The following RSPH14 variants were observed in gnomAD, a reference collection of about 807,000 sequenced individuals.
RSPH14 encodes the protein radial spoke head 14 homolog, also known as rhabdoid tumor deletion region gene 1.
Under a neutral mutation model 26.7 loss-of-function variants are expected in RSPH14, and 20 were observed. That is an observed-to-expected ratio of 0.75 (90% CI 0.53 to 1.09). RSPH14 has a LOEUF of 1.09. Among genes scored for constraint, RSPH14 ranks in the 50% least tolerant of loss-of-function variants. The pLI is 0.00. For missense variants in RSPH14, 449 were observed against 457.2 expected, an observed-to-expected ratio of 0.98 and a Z score of 0.16; for synonymous variants, 177 against 189.3, an observed-to-expected ratio of 0.93 and a Z score of 0.53.
intron 4 of RSPH14, among the ~76,000 whole-genome samples, chr22:23,098,917 T>C (rs1163372674): frequency 2.0e-5 from 3 of 152,228 alleles, no homozygotes; most frequent in Non-Finnish European, 4.4e-5. Context: ...CACTCTGCTC[T>C]CTCCTTTTGG....
chr22:23,121,215 G>C (rs1371048032), intron 4 of RSPH14, among the ~76,000 whole-genome samples: 1 of 152,162 alleles, frequency 6.6e-6, no homozygotes, highest in African/African-American at 2.4e-5. Flanking sequence ...TCACTCCTCA[G>C]GACTCCTGTT....
chr22:23,138,914 C>T lies in RSPH14; in HGVS notation c.228G>A (p.Leu76=). 6.5e-7 allele frequency: 1 copy of T among 1,546,436 alleles called. No individual in the cohort carries two copies. Among genetic ancestry groups the T allele is most frequent in the Non-Finnish European group, 8.7e-7 (1 of 1,144,900 alleles). The stretch of plus-strand genomic sequence containing the variant: ...TGCGCACCATACTGTTGCTATCCTT[C>T]AGCAAAGCTTTCAGGTTCTCCATAC... ...IGCMENLKAL[L]KDSNSMVRIK... is the part of the protein sequence containing the mutation. Residue 76 remains leucine, a synonymous_variant, in exon 3 of 7, where the codon CTG becomes CTA. Transcript: ENST00000216036.
chr22:23,081,801 AAC>A (rs2068684412), intron 4 of RSPH14, among the ~76,000 whole-genome samples: 1 of 123,562 alleles, frequency 8.1e-6, no homozygotes, highest in Non-Finnish European at 1.7e-5. Flanking sequence ...CAGCCTGGGC[AAC>A]AGAGTGAGAT....
chr22:23,143,804 A>G (rs1321356107), upstream of RSPH14, among the ~76,000 whole-genome samples: 3 of 152,208 alleles, frequency 2.0e-5, no homozygotes, highest in Non-Finnish European at 4.4e-5. Context: ...CTAAAGGAGG[A>G]TTGGGGCCAG....
the RSPH14 span, among the ~76,000 whole-genome samples, chr22:23,161,200 G>T: frequency 6.6e-5 from 10 of 152,250 alleles, no homozygotes; most frequent in East Asian, 1.9e-3. Flanking sequence ...ACCCTCCCTA[G>T]CCCTCCCTGT....
At chr22:23,178,901 C>T in the RSPH14 span, among the ~76,000 whole-genome samples, 3 of 152,132 alleles carry the variant, frequency 2.0e-5, no homozygotes, top group Admixed American at 6.6e-5. Context: ...TCTAGGGAAG[C>T]CTGGAAATCT....
chr22:23,157,825 AG>A, the RSPH14 span, among the ~76,000 whole-genome samples: 1 of 152,228 alleles, frequency 6.6e-6, no homozygotes, highest in African/African-American at 2.4e-5. Flanking sequence ...GGTGGGGGAC[AG>A]CCATGGGGTG....
intron 4 of RSPH14, among the ~76,000 whole-genome samples, chr22:23,072,762 TG>T (rs2146243837): frequency 6.6e-6 from 1 of 152,322 alleles, no homozygotes; most frequent in South Asian, 2.1e-4. Flanking sequence ...ACACAGGGAA[TG>T]GATTCTTCCC....
At chr22:23,064,622 A>G (rs2146214409) in intron 4 of RSPH14, among the ~76,000 whole-genome samples, 1 of 152,246 alleles carries the variant, frequency 6.6e-6, no homozygotes. Flanking sequence ...CCTGGAGAAG[A>G]GCTTGGTTTT....
chr22:23,107,810 G>A (rs551918625), intron 4 of RSPH14, among the ~76,000 whole-genome samples: 6 of 152,260 alleles, frequency 3.9e-5, no homozygotes, highest in Admixed American at 2.0e-4. Flanking sequence ...TTTTAAAGCC[G>A]GAAGAGCACC....
In RSPH14 at chr22:23,138,946, G is replaced by GAA. The variant is rs10568631; in HGVS notation, c.200-6_200-5dup. 2,528 of 1,374,444 alleles carry GAA rather than the reference G, an allele frequency of 1.8e-3. No individual in the cohort carries two copies. The highest frequency in any genetic ancestry group is 5.4e-3 in the South Asian group (391 of 71,966). The allele number at this position is 1,374,444 out of a possible 1,614,324, so 85.1% of individuals were successfully genotyped here. A position where few individuals can be genotyped will look rare whatever the true frequency, so the allele number is the denominator to read the frequency against. ...GCTTTCAGGTTCTCCATACAGCCTA[G>GAA]AAAAAAAAAAAAAAACAAACAAACC... On this transcript the variant is annotated splice_region_variant and splice_polypyrimidine_tract_variant and intron_variant, in intron 2 of 6. Coordinates refer to ENST00000216036, the MANE Select transcript of RSPH14 (RefSeq NM_014433.3).
At chr22:23,082,919 A>G (rs1363579555) in intron 4 of RSPH14, among the ~76,000 whole-genome samples, 1 of 152,120 alleles carries the variant, frequency 6.6e-6, no homozygotes, top group Non-Finnish European at 1.5e-5. Flanking sequence ...TTGCCCCCAG[A>G]AACTCCCATT....
At chr22:23,095,950 C>G in intron 4 of RSPH14, 1 of 1,612,648 alleles carries the variant, frequency 6.2e-7, no homozygotes, top group Non-Finnish European at 8.5e-7. Context: ...CCCGCATCAT[C>G]CGGGCCCTGG....
intron 3 of RSPH14, among the ~76,000 whole-genome samples, chr22:23,134,617 C>G (rs984661096): frequency 2.0e-5 from 3 of 149,612 alleles, no homozygotes; most frequent in African/African-American, 7.4e-5. Flanking sequence ...GTAATCCCAG[C>G]ACCTTAGGAG....
intron 4 of RSPH14, 90 bp downstream of exon 4, chr22:23,133,936 G>A (rs556161848): frequency 5.5e-5 from 47 of 850,216 alleles, no homozygotes; most frequent in African/African-American, 4.7e-4. Context: ...AAAAGTGGAC[G>A]ATCTACACCC....
intron 4 of RSPH14, among the ~76,000 whole-genome samples, chr22:23,084,624 A>G (rs1005003352): frequency 2.0e-5 from 3 of 152,202 alleles, no homozygotes; most frequent in African/African-American, 7.2e-5. Flanking sequence ...ATCCTTGCTC[A>G]TTTTTGCCTT....
chr22:23,119,486 C>T (rs1011744532), intron 4 of RSPH14, among the ~76,000 whole-genome samples: 1 of 152,226 alleles, frequency 6.6e-6, no homozygotes, highest in African/African-American at 2.4e-5. Context: ...AGGAACAAAC[C>T]CACGATGCAG....
chr22:23,092,586 C>A (rs1199731007), intron 4 of RSPH14, among the ~76,000 whole-genome samples: 3 of 152,202 alleles, frequency 2.0e-5, no homozygotes, highest in Non-Finnish European at 4.4e-5. Context: ...GCCTCAGTTT[C>A]CCCTTTCCTT....
Position 23,109,224 on chromosome 22 carries a change from G to A in RSPH14, c.421+24802C>T, listed in dbSNP as rs527565587. ...GCCTCTGGGGTAAGGTAGAGTTCAA[G>A]GAGAACCAAGGCAGCCCAAGTGAGC... On this transcript the variant is annotated intron_variant, in intron 4 of 6. Transcript: ENST00000216036. 2.0e-5 allele frequency among the ~76,000 whole-genome samples: 3 copies of A among 152,306 alleles called. No individual in the cohort carries two copies. The East Asian group carries it at 5.8e-4, about 30-fold the overall frequency.
Sources: gnomAD v4.1 joint callset for allele counts (sites outside exome capture counted in the v4.1 genomes callset) on GRCh38, gnomAD v4.1.1 for gene constraint, MANE v1.5 for transcripts, NCBI Gene and HGNC (gene_info 2026-07-23, HGNC 2026-07-21) for gene names.